GTF3C1: variants seen among roughly 807,000 people sequenced by gnomAD.
GTF3C1 encodes general transcription factor IIIC subunit 1, also known as general transcription factor 3C polypeptide 1.
GTF3C1 carries 57 observed loss-of-function variants against 226.7 expected under a neutral mutation model. The observed-to-expected ratio is 0.25, with a 90% CI of 0.20 to 0.31. The LOEUF is 0.31. Among genes scored for constraint, GTF3C1 ranks in the 10% least tolerant of loss-of-function variants. The pLI is 1.00. For missense variants in GTF3C1, 2,217 were observed against 2,776.1 expected, an observed-to-expected ratio of 0.80 and a Z score of 4.53; for synonymous variants, 1,090 against 1,084.8, an observed-to-expected ratio of 1.00 and a Z score of -0.09.
intron 5 of GTF3C1, among the ~76,000 whole-genome samples, chr16:27,529,668 T>A (rs1452485466): frequency 2.0e-5 from 3 of 152,156 alleles, no homozygotes; most frequent in African/African-American, 7.2e-5. Flanking sequence ...TTGCCAAAAT[T>A]GAAAAGTGAG....
At chr16:27,504,937 A>C (rs955398112) in intron 10 of GTF3C1, among the ~76,000 whole-genome samples, 1 of 152,160 alleles carries the variant, frequency 6.6e-6, no homozygotes, top group Non-Finnish European at 1.5e-5. Context: ...TCTCAAAAAA[A>C]TTAATTAATT....
At chr16:27,498,590 G>A in intron 13 of GTF3C1, 40 bp downstream of exon 13, 1 of 947,584 alleles carries the variant, frequency 1.1e-6, no homozygotes, top group Middle Eastern at 2.1e-4. Flanking sequence ...CACAGACCTG[G>A]CAGCCTTGCT....
intron 6 of GTF3C1, among the ~76,000 whole-genome samples, chr16:27,523,248 G>A (rs2141429922): frequency 6.6e-6 from 1 of 152,208 alleles, no homozygotes; most frequent in East Asian, 1.9e-4. Context: ...TTGCAAAACA[G>A]ATCAGTTCAG....
intron 10 of GTF3C1, among the ~76,000 whole-genome samples, chr16:27,504,517 G>A (rs543077864): frequency 6.6e-5 from 10 of 152,248 alleles, no homozygotes; most frequent in African/African-American, 2.4e-4. Context: ...AGCACAAAAA[G>A]GGAGAAGCGG....
chr16:27,506,729 C>T (rs2088491076), intron 9 of GTF3C1, 118 bp downstream of exon 9: 1 of 656,428 alleles, frequency 1.5e-6, no homozygotes, highest in South Asian at 2.0e-5. Context: ...AGTGTCAGGC[C>T]TCTCATTAGG....
intron 6 of GTF3C1, among the ~76,000 whole-genome samples, chr16:27,521,465 G>A (rs1197535533): frequency 2.0e-5 from 3 of 152,192 alleles, no homozygotes; most frequent in Non-Finnish European, 4.4e-5. Context: ...ACATTTCCCC[G>A]CTGAGGGAGG....
intron 23 of GTF3C1, 120 bp from the exon 24 acceptor site, chr16:27,486,274 G>T (rs1244689031): frequency 1.4e-5 from 8 of 584,950 alleles, no homozygotes; most frequent in Non-Finnish European, 3.1e-6. Flanking sequence ...TTGGTTAGCA[G>T]ATACTCATTG....
chr16:27,503,952 C>T (rs541286652), intron 10 of GTF3C1, among the ~76,000 whole-genome samples: 2 of 152,264 alleles, frequency 1.3e-5, no homozygotes, highest in Admixed American at 6.5e-5. Flanking sequence ...GTGGGAGCTC[C>T]GGGCAAGACA....
At chr16:27,498,402 T>C (rs1596635320) in intron 13 of GTF3C1, among the ~76,000 whole-genome samples, 1 of 152,354 alleles carries the variant, frequency 6.6e-6, no homozygotes, top group East Asian at 1.9e-4. Context: ...GGGAGTGCTC[T>C]GTCCACACTC....
At chr16:27,542,759 C>A (rs554309668) in intron 2 of GTF3C1, among the ~76,000 whole-genome samples, 1 of 152,098 alleles carries the variant, frequency 6.6e-6, no homozygotes. Context: ...GGATGTCCTC[C>A]GGGTTTTGCC....
In GTF3C1 at chr16:27,493,391, T is replaced by G; in HGVS notation, c.2779-95A>C. On this transcript the variant is annotated intron_variant, in intron 16 of 36. Transcript: ENST00000356183. ...GCTCGCCACTATTTTCTGACCATAG[T>G]CTCCCTGAACCTGCCCACTGGGCTC... 4 of 723,670 alleles carry G rather than the reference T, an allele frequency of 5.5e-6. No homozygotes were observed. The East Asian group carries it at 8.1e-5, about 15-fold the overall frequency. 44.8% of individuals were successfully genotyped at this position (723,670 alleles called of 1,614,324 possible).
At position 27,546,973 on chromosome 16, in the gene GTF3C1, G is replaced by T. The variant is rs192171188; in HGVS notation, c.222-1450C>A. ...GTAGAGAGAGGGTTTCACGATGTTGGCCAAATGATCCACCTGCCTCGGCCT... is the reference window on the plus strand; with the variant it reads ...GTAGAGAGAGGGTTTCACGATGTTGTCCAAATGATCCACCTGCCTCGGCCT... On this transcript the variant is annotated intron_variant, in intron 1 of 36. Coordinates refer to ENST00000356183, the MANE Select transcript of GTF3C1 (RefSeq NM_001520.4). Among the ~76,000 whole-genome samples, 3 of 151,896 alleles carry T rather than the reference G, an allele frequency of 2.0e-5. No homozygotes were observed. In the East Asian group the frequency reaches 5.8e-4, roughly 30 times the overall value.
intron 28 of GTF3C1, 134 bp downstream of exon 28, chr16:27,478,335 T>C: frequency 1.5e-6 from 1 of 684,274 alleles, no homozygotes; most frequent in South Asian, 1.7e-5. Context: ...GGCATGGCTG[T>C]ATGCCAGTAA....
rs576868081 is a variant in GTF3C1, at chr16:27,547,133, C to G, written c.222-1610G>C. 3.2e-4 allele frequency among the ~76,000 whole-genome samples: 49 copies of G among 152,282 alleles called. No homozygotes were observed. The South Asian group carries it at 1.0e-2, about 31-fold the overall frequency. ...TCCTCTACCTCTCCAGCCACACCGC[C>G]TCAGTCTTCTTTTGAAAGTCCCTCA... is the stretch of plus-strand genomic sequence containing the variant. On this transcript the variant is annotated intron_variant, in intron 1 of 36. Coordinates refer to ENST00000356183, the MANE Select transcript of GTF3C1 (RefSeq NM_001520.4).
At chr16:27,509,488 T>C (rs2088539787) in intron 7 of GTF3C1, among the ~76,000 whole-genome samples, 1 of 152,202 alleles carries the variant, frequency 6.6e-6, no homozygotes, top group Admixed American at 6.5e-5. Flanking sequence ...CCGGGTGCAG[T>C]GCCTCACTCC....
rs576251142 is a variant in GTF3C1, at chr16:27,549,901, G to A, written c.-11C>T. 539 of 1,604,766 alleles carry A rather than the reference G, an allele frequency of 3.4e-4. 4 individuals carry two copies. In the Middle Eastern group the frequency reaches 3.5e-3, roughly 10 times the overall value. On this transcript the variant is annotated 5_prime_UTR_variant, in exon 1 of 37. Transcript: ENST00000356183. ...CTCCAGCGCGTCCATTGCTACTTCA[G>A]TCGGCGGCGCCCGGGGCGCATGCGC...
chr16:27,464,763 C>A lies in GTF3C1; in HGVS notation c.5429G>T (p.Trp1810Leu). The change falls in exon 34 of 37, where the codon TGG becomes TTG. Residue 1810 changes from tryptophan to leucine, a missense_variant. This residue lies in a region of GTF3C1 where 455 missense variants were observed against 441.9 expected (regional missense o/e 1.03). Coordinates refer to ENST00000356183, the MANE Select transcript of GTF3C1 (RefSeq NM_001520.4). The part of the protein sequence containing the change: ...TARLVAMGSA[W>L]PWLLHSVRLK... Reference sequence around the variant, plus strand: ...CCGCACGGAGTGCAGGAGCCAAGGCCAGGCAGAGCCCATGGCTACCAGGCG... The same window carrying A: ...CCGCACGGAGTGCAGGAGCCAAGGCAAGGCAGAGCCCATGGCTACCAGGCG... 1 of 1,569,580 alleles carries A rather than the reference C, an allele frequency of 6.4e-7. No individual in the cohort carries two copies. The highest frequency in any genetic ancestry group is 1.9e-5 in the Admixed American group (1 of 51,792).
chr16:27,490,065 C>G (rs1330389235), intron 19 of GTF3C1, among the ~76,000 whole-genome samples: 1 of 152,196 alleles, frequency 6.6e-6, no homozygotes, highest in Non-Finnish European at 1.5e-5. Flanking sequence ...GCAGGGGAAA[C>G]CCAGGCCTTC....
intron 24 of GTF3C1, among the ~76,000 whole-genome samples, chr16:27,484,839 AC>A (rs1202958750): frequency 1.3e-5 from 2 of 152,262 alleles, no homozygotes; most frequent in Non-Finnish European, 2.9e-5. Context: ...GGCAAGGCCG[AC>A]ATGAGAAAGC....
Sources: allele counts gnomAD v4.1 joint callset (sites outside exome capture counted in the v4.1 genomes callset), GRCh38; gene constraint gnomAD v4.1.1; regional missense constraint gnomAD v4.1.1; transcripts MANE v1.5; gene names NCBI Gene and HGNC (gene_info 2026-07-23, HGNC 2026-07-21).